LUC7L: variants seen among roughly 807,000 people sequenced by gnomAD.
The protein encoded by LUC7L is putative RNA-binding protein Luc7-like 1.
In LUC7L, 29 loss-of-function variants were observed where a neutral mutation model predicts 51.1. That is an observed-to-expected ratio of 0.57 (90% CI 0.42 to 0.77). The LOEUF is 0.77. LUC7L is among the 30% of genes least tolerant of loss of function. LUC7L has a pLI of 0.00. For missense variants in LUC7L, 403 were observed against 511.9 expected (o/e 0.79, Z 2.05); for synonymous variants, 181 against 180.7 (o/e 1.00, Z -0.01).
chr16:191,823 G>A (rs571934658), intron 7 of LUC7L, among the ~76,000 whole-genome samples: 116 of 152,298 alleles, frequency 7.6e-4, no homozygotes, highest in African/African-American at 2.7e-3. Flanking sequence ...CCAGCCTGGT[G>A]ACAGAGCGAG....
At chr16:189,879 C>G in intron 9 of LUC7L, 89 bp downstream of exon 9, 1 of 1,535,704 alleles carries the variant, frequency 6.5e-7, no homozygotes, top group Non-Finnish European at 8.8e-7. Context: ...CCAGCCCCAT[C>G]CCCACCAGAC....
At chr16:196,352 G>C (rs1354397350) in intron 6 of LUC7L, among the ~76,000 whole-genome samples, 2 of 151,966 alleles carry the variant, frequency 1.3e-5, no homozygotes, top group Non-Finnish European at 2.9e-5. Context: ...AGGTTACAGT[G>C]AGCTGAGTTC....
At chr16:228,096 A>G in intron 1 of LUC7L, 1 of 1,150,584 alleles carries the variant, frequency 8.7e-7, no homozygotes, top group Non-Finnish European at 1.1e-6. Flanking sequence ...CGGGGGAATG[A>G]TACATAAAAG....
intron 3 of LUC7L, among the ~76,000 whole-genome samples, chr16:212,174 T>C (rs1252058974): frequency 1.3e-5 from 2 of 152,086 alleles, no homozygotes; most frequent in African/African-American, 2.4e-5. Context: ...ATGCCTGTAA[T>C]CCCAACTACT....
chr16:214,527 CCATT>C (rs1174851939), intron 3 of LUC7L, among the ~76,000 whole-genome samples: 4 of 152,120 alleles, frequency 2.6e-5, no homozygotes, highest in Non-Finnish European at 5.9e-5. Context: ...TATCATTTAT[CCATT>C]CATTCATTTA....
At chr16:213,782 T>G (rs1029409211) in intron 3 of LUC7L, among the ~76,000 whole-genome samples, 1 of 152,110 alleles carries the variant, frequency 6.6e-6, no homozygotes, top group African/African-American at 2.4e-5. Context: ...TGGCGCAATC[T>G]CGGCTCACCG....
Position 189,262 on chromosome 16 carries a change from AGC to A in LUC7L, c.1050_1051del (p.Arg350SerfsTer2). The A allele has an allele frequency of 6.2e-7, 1 of 1,613,856 alleles. No homozygotes were observed. Among genetic ancestry groups the A allele is most frequent in the South Asian group, 1.1e-5 (1 of 91,012 alleles). The stretch of plus-strand genomic sequence containing the variant: ...AGCCATCTTCCCGTTGGAGCTCTCA[AGC>A]CTCCAGTCCGGGGGCCCTCGCTCGC... On this transcript the variant is annotated frameshift_variant, in exon 10 of 10. Transcript: ENST00000293872. LOFTEE classifies it high-confidence loss of function.
chr16:226,271 T>G (rs1364816472), intron 2 of LUC7L, among the ~76,000 whole-genome samples: 1 of 152,192 alleles, frequency 6.6e-6, no homozygotes, highest in African/African-American at 2.4e-5. Flanking sequence ...GAAAACTTCC[T>G]TTAACATATG....
At chr16:225,064 A>G (rs1194996358) in intron 2 of LUC7L, among the ~76,000 whole-genome samples, 1 of 152,184 alleles carries the variant, frequency 6.6e-6, no homozygotes, top group Non-Finnish European at 1.5e-5. Context: ...TCCTTCCACA[A>G]TATTCCACAT....
chr16:225,677 G>GTA (rs768816576), intron 2 of LUC7L, among the ~76,000 whole-genome samples: 58 of 151,174 alleles, frequency 3.8e-4, no homozygotes, highest in Admixed American at 2.8e-3. Flanking sequence ...TAGAGACAGG[G>GTA]TTTATCTATG....
At chr16:189,742 C>T (rs1239723068) in intron 9 of LUC7L, 26 of 1,388,648 alleles carry the variant, frequency 1.9e-5, no homozygotes, top group African/African-American at 4.3e-5. Context: ...GGCCCCAGGA[C>T]GCAGGCAGGG....
chr16:216,571 C>T (rs938216684), intron 3 of LUC7L, among the ~76,000 whole-genome samples: 2 of 151,374 alleles, frequency 1.3e-5, no homozygotes, highest in Non-Finnish European at 2.9e-5. Context: ...TCGGTAGACA[C>T]GGTGTTGTAC....
chr16:193,545 C>T (rs372548239), intron 6 of LUC7L, among the ~76,000 whole-genome samples: 7 of 151,992 alleles, frequency 4.6e-5, no homozygotes, highest in South Asian at 4.1e-4. Context: ...GCCCTGTTGC[C>T]CAGTGCAGTG....
At chr16:193,534 C>G (rs111355434) in intron 6 of LUC7L, among the ~76,000 whole-genome samples, 7,163 of 152,100 alleles carry the variant, frequency 0.047, 229 homozygotes, top group Non-Finnish European at 0.071. Context: ...AGACAGAGTC[C>G]GCCCTGTTGC....
At chr16:189,721 A>AC in intron 9 of LUC7L, 1 of 1,373,608 alleles carries the variant, frequency 7.3e-7, no homozygotes, top group Non-Finnish European at 9.4e-7. Context: ...GCATGGACGC[A>AC]ACAGTGCACA....
chr16:197,024 C>T (rs2049168666), intron 6 of LUC7L, among the ~76,000 whole-genome samples: 2 of 150,926 alleles, frequency 1.3e-5, no homozygotes, highest in Admixed American at 6.6e-5. Context: ...TCTCCTGCCT[C>T]GGCCTCCCGA....
intron 4 of LUC7L, among the ~76,000 whole-genome samples, chr16:206,992 G>C (rs543544952): frequency 1.7e-4 from 25 of 150,590 alleles, no homozygotes; most frequent in African/African-American, 5.8e-4. Flanking sequence ...GAGGTCAAGA[G>C]ATCGAGACCA....
At chr16:197,491 T>A (rs1292433248) in intron 6 of LUC7L, among the ~76,000 whole-genome samples, 3 of 152,212 alleles carry the variant, frequency 2.0e-5, no homozygotes, top group South Asian at 2.1e-4. Context: ...ATTACAGGCG[T>A]GAGCCACCAC....
At chr16:214,743 A>G (rs1280945911) in intron 3 of LUC7L, among the ~76,000 whole-genome samples, 1 of 152,142 alleles carries the variant, frequency 6.6e-6, no homozygotes, top group South Asian at 2.1e-4. Context: ...TGCCCAGGCT[A>G]GTCTCCAACT....
Sources: allele counts gnomAD v4.1 joint callset (sites outside exome capture counted in the v4.1 genomes callset), GRCh38; gene constraint gnomAD v4.1.1; transcripts MANE v1.5; gene names NCBI Gene and HGNC (gene_info 2026-07-23, HGNC 2026-07-21).